Variants in CDH4 observed in about 807,000 individuals in gnomAD.
CDH4 encodes cadherin-4.
Under a neutral mutation model 86.0 loss-of-function variants are expected in CDH4, and 33 were observed. That is an observed-to-expected ratio of 0.38 (90% CI 0.29 to 0.51). CDH4 has a LOEUF of 0.51. Among genes scored for constraint, CDH4 ranks in the 20% least tolerant of loss-of-function variants. The pLI is 0.86. For synonymous variants in CDH4, 555 were observed against 549.4 expected, an observed-to-expected ratio of 1.01 and a Z score of -0.14; for missense variants, 1,114 against 1,307.4, an observed-to-expected ratio of 0.85 and a Z score of 2.28.
intron 2 of CDH4, among the ~76,000 whole-genome samples, chr20:61,617,607 C>T (rs940669268): frequency 3.3e-5 from 5 of 152,202 alleles, no homozygotes; most frequent in Admixed American, 6.5e-5. Flanking sequence ...GGGGCGACAG[C>T]GTGGTCTGAG....
intron 6 of CDH4, among the ~76,000 whole-genome samples, chr20:61,868,473 C>T (rs966974125): frequency 3.3e-5 from 5 of 152,150 alleles, no homozygotes; most frequent in Non-Finnish European, 7.4e-5. Flanking sequence ...CGGACAGCTC[C>T]ACAGTATTCA....
intron 2 of CDH4, among the ~76,000 whole-genome samples, chr20:61,675,983 G>A (rs1018696847): frequency 1.1e-4 from 17 of 152,220 alleles, no homozygotes; most frequent in African/African-American, 4.1e-4. Context: ...CCCTCCTCCT[G>A]CCCAGAGCAC....
intron 2 of CDH4, among the ~76,000 whole-genome samples, chr20:61,679,602 G>A (rs938628460): frequency 6.6e-6 from 1 of 152,176 alleles, no homozygotes; most frequent in African/African-American, 2.4e-5. Context: ...GACATCTGAG[G>A]TTAACAGCAG....
intron 2 of CDH4, among the ~76,000 whole-genome samples, chr20:61,259,617 A>G (rs2084118373): frequency 6.6e-6 from 1 of 152,188 alleles, no homozygotes; most frequent in South Asian, 2.1e-4. Flanking sequence ...TAAGCCAACC[A>G]CATATGCCTG....
At chr20:61,660,166 G>C (rs967723400) in intron 2 of CDH4, among the ~76,000 whole-genome samples, 1 of 152,124 alleles carries the variant, frequency 6.6e-6, no homozygotes, top group Non-Finnish European at 1.5e-5. Context: ...TCCTTTCTCT[G>C]ACCTTCGTCT....
At chr20:61,877,161 A>G (rs1984063928) in intron 7 of CDH4, among the ~76,000 whole-genome samples, 1 of 152,128 alleles carries the variant, frequency 6.6e-6, no homozygotes, top group South Asian at 2.1e-4. Flanking sequence ...TCCTGGGCTC[A>G]GCTCCCCCTG....
chr20:61,763,237 G>A (rs1208747989), intron 3 of CDH4, among the ~76,000 whole-genome samples: 3 of 152,096 alleles, frequency 2.0e-5, no homozygotes, highest in Non-Finnish European at 2.9e-5. Context: ...TAATGACTTC[G>A]ACTAGGACAA....
At chr20:61,279,725 A>C (rs2084248610) in intron 2 of CDH4, among the ~76,000 whole-genome samples, 1 of 152,172 alleles carries the variant, frequency 6.6e-6, no homozygotes, top group South Asian at 2.1e-4. Context: ...GAAATGGGGC[A>C]GTCTGGACCT....
At chr20:61,320,966 A>T (rs549651375) in intron 2 of CDH4, among the ~76,000 whole-genome samples, 1 of 151,906 alleles carries the variant, frequency 6.6e-6, no homozygotes, top group Admixed American at 6.5e-5. Flanking sequence ...TGCTGTGGGG[A>T]AGTGTCCCAG....
intron 2 of CDH4, among the ~76,000 whole-genome samples, chr20:61,413,787 C>T (rs1449218171): frequency 1.3e-5 from 2 of 152,220 alleles, no homozygotes; most frequent in Non-Finnish European, 2.9e-5. Context: ...TCTTCAGGGT[C>T]ATCCCCTGTG....
rs1208697344 is a variant in CDH4, at chr20:61,269,964, C to G, written c.169+15027C>G. 1.3e-5 allele frequency among the ~76,000 whole-genome samples: 2 copies of G among 152,228 alleles called. No homozygotes were observed. Among genetic ancestry groups the G allele is most frequent in the East Asian group, 1.9e-4 (1 of 5,194 alleles). On this transcript the variant is annotated intron_variant, in intron 2 of 15. Transcript: ENST00000614565. The surrounding 1 kb of genome is among the most constrained non-coding windows in gnomAD (Gnocchi z 5.3). ...GGCCCCCAGATGTGGAGAGGGCCGG[C>G]CGACCTTTGCGGCAGTCATTTTTCC...
chr20:61,614,035 C>G (rs867798580), intron 2 of CDH4, among the ~76,000 whole-genome samples: 1 of 152,098 alleles, frequency 6.6e-6, no homozygotes, highest in Middle Eastern at 3.2e-3. Context: ...GGAGAGGTGG[C>G]AGGGACGGAC....
intron 4 of CDH4, among the ~76,000 whole-genome samples, chr20:61,792,985 CAG>C (rs1460057399): frequency 1.6e-5 from 2 of 127,274 alleles, no homozygotes; most frequent in Non-Finnish European, 3.5e-5. Flanking sequence ...GTTTTTGAGA[CAG>C]AGTTTCACTC....
At position 61,297,244 on chromosome 20, in the gene CDH4, C is replaced by T. The variant is rs375879579; in HGVS notation, c.169+42307C>T. Among the ~76,000 whole-genome samples the T allele has an allele frequency of 6.6e-5, 10 of 152,128 alleles. No individual in the cohort carries two copies. In the East Asian group the frequency reaches 1.4e-3, roughly 21 times the overall value. ...CTACTAAAAATACAAAAATTGGCCA[C>T]GCACGGTGGCATGTGCCTGTAATCC... is the stretch of plus-strand genomic sequence containing the variant. On this transcript the variant is annotated intron_variant, in intron 2 of 15. Coordinates refer to ENST00000614565, the MANE Select transcript of CDH4 (RefSeq NM_001794.5).
intron 2 of CDH4, among the ~76,000 whole-genome samples, chr20:61,733,423 G>A (rs535220922): frequency 2.6e-5 from 4 of 152,232 alleles, no homozygotes; most frequent in East Asian, 3.9e-4. Context: ...CTCTTGCTCC[G>A]ACTTTCTGGG....
At chr20:61,695,073 A>G (rs368421804) in intron 2 of CDH4, among the ~76,000 whole-genome samples, 175 of 152,374 alleles carry the variant, frequency 1.1e-3, no homozygotes, top group African/African-American at 3.8e-3. Flanking sequence ...CTGGCTGCAT[A>G]GAAGGATCAA....
intron 2 of CDH4, among the ~76,000 whole-genome samples, chr20:61,675,919 C>T (rs2087440070): frequency 6.6e-6 from 1 of 152,244 alleles, no homozygotes; most frequent in Non-Finnish European, 1.5e-5. Flanking sequence ...GGCCCACCTG[C>T]ACTGTGGAGG....
chr20:61,274,482 G>GA (rs2084213584), intron 2 of CDH4, among the ~76,000 whole-genome samples: 1 of 146,774 alleles, frequency 6.8e-6, no homozygotes, highest in Admixed American at 6.8e-5. Flanking sequence ...CAGTTTAGGG[G>GA]AGTACCGTGT....
At chr20:61,834,906 C>A (rs1332390590) in intron 4 of CDH4, among the ~76,000 whole-genome samples, 3 of 152,240 alleles carry the variant, frequency 2.0e-5, no homozygotes, top group Non-Finnish European at 4.4e-5. Flanking sequence ...TTGGACGCCT[C>A]ACATCTGCCC....
Sources: allele counts gnomAD v4.1 joint callset (sites outside exome capture counted in the v4.1 genomes callset), GRCh38; gene constraint gnomAD v4.1.1; non-coding constraint Gnocchi (gnomAD v3.1); transcripts MANE v1.5; gene names NCBI Gene and HGNC (gene_info 2026-07-23, HGNC 2026-07-21).